The following LEPROTL1 variants were observed in gnomAD, a reference collection of about 807,000 sequenced individuals.
The protein encoded by LEPROTL1 is leptin receptor overlapping transcript-like 1.
Under a neutral mutation model 15.4 loss-of-function variants are expected in LEPROTL1, and 6 were observed. The ratio of observed to expected loss-of-function variants is 0.39; its 90% confidence interval spans 0.21 to 0.77. LEPROTL1 has a LOEUF of 0.77. Among genes scored for constraint, LEPROTL1 ranks in the 30% least tolerant of loss-of-function variants. The probability of loss-of-function intolerance (pLI) is 0.41; values close to 1 mark genes in which losing one functional copy is unlikely to be tolerated. For synonymous variants in LEPROTL1, 56 were observed against 52.6 expected (o/e 1.06, Z -0.28); for missense variants, 128 against 158.1 (o/e 0.81, Z 1.02).
chr8:30,097,713 A>G (rs1449156578), intron 1 of LEPROTL1, among the ~76,000 whole-genome samples: 1 of 149,234 alleles, frequency 6.7e-6, no homozygotes, highest in Non-Finnish European at 1.5e-5. Flanking sequence ...ACACACACAC[A>G]CACACACACA....
chr8:30,107,467 A>T lies in LEPROTL1; in HGVS notation c.*1605A>T. ...ATGACAGCTGTCTGTTGTTTTATGA[A>T]GTTTATTTCTCAAGAAAATGGGAAT... On this transcript the variant is annotated 3_prime_UTR_variant, in exon 4 of 4. Coordinates refer to ENST00000321250, the MANE Select transcript of LEPROTL1 (RefSeq NM_015344.3). The T allele has an allele frequency of 1.0e-6, 1 of 985,852 alleles. No homozygotes were observed. The highest frequency in any genetic ancestry group is 1.2e-6 in the Non-Finnish European group (1 of 829,914). 61.1% of individuals were successfully genotyped at this position (985,852 alleles called of 1,614,324 possible).
At chr8:30,108,763 G>A (rs1350271011), downstream of LEPROTL1, among the ~76,000 whole-genome samples, 2 of 152,022 alleles carry the variant, frequency 1.3e-5, no homozygotes, top group African/African-American at 4.8e-5. Context: ...ACGTAGCTGG[G>A]ATTACAGGCA....
downstream of LEPROTL1, among the ~76,000 whole-genome samples, chr8:30,110,666 A>T (rs1467152203): frequency 6.6e-6 from 1 of 152,012 alleles, no homozygotes; most frequent in East Asian, 1.9e-4. Context: ...CCCAGGAGGC[A>T]GAGGTTGCAG....
At chr8:30,136,844 T>C (rs1803157616) in intron 4 of LEPROTL1, among the ~76,000 whole-genome samples, 1 of 151,930 alleles carries the variant, frequency 6.6e-6, no homozygotes, top group South Asian at 2.1e-4. Flanking sequence ...TCCGCCACTA[T>C]GCCCAGCTAA....
At chr8:30,117,739 A>G in intron 3 of LEPROTL1, 1 of 1,044,160 alleles carries the variant, frequency 9.6e-7, no homozygotes, top group Non-Finnish European at 1.5e-6. Flanking sequence ...GGCATTGTTG[A>G]TGCTCTTGAG....
At chr8:30,129,433 G>A (rs947290310) in intron 3 of LEPROTL1, among the ~76,000 whole-genome samples, 9 of 152,022 alleles carry the variant, frequency 5.9e-5, no homozygotes, top group East Asian at 1.9e-4. Context: ...GGCCGGGAGC[G>A]TTGACTCACA....
Position 30,106,370 on chromosome 8 carries a change from A to G in LEPROTL1, c.*508A>G, listed in dbSNP as rs1186575760. On this transcript the variant is annotated 3_prime_UTR_variant, in exon 4 of 4. Coordinates refer to ENST00000321250, the MANE Select transcript of LEPROTL1 (RefSeq NM_015344.3). The stretch of plus-strand genomic sequence containing the variant: ...TTATGCAGACATACAGACGGTTGGC[A>G]TACGTTATAGACTGTATACTCAGTG... 4 of 986,230 alleles carry G rather than the reference A, an allele frequency of 4.1e-6. No homozygotes were observed. The highest frequency in any genetic ancestry group is 3.5e-5 in the African/African-American group (2 of 57,236). 61.1% of individuals were successfully genotyped at this position (986,230 alleles called of 1,614,324 possible).
chr8:30,110,381 G>A (rs1331865187), downstream of LEPROTL1, among the ~76,000 whole-genome samples: 2 of 151,978 alleles, frequency 1.3e-5, no homozygotes, highest in East Asian at 1.9e-4. Flanking sequence ...GTGTGTGTGC[G>A]TGCGCGCGTG....
At chr8:30,103,050 G>A (rs1013676600) in intron 2 of LEPROTL1, among the ~76,000 whole-genome samples, 1 of 152,028 alleles carries the variant, frequency 6.6e-6, no homozygotes, top group Non-Finnish European at 1.5e-5. Flanking sequence ...TGTTCAAGCA[G>A]CCTTGTTTAT....
intron 3 of LEPROTL1, among the ~76,000 whole-genome samples, chr8:30,119,265 T>TA (rs1378537475): frequency 6.6e-6 from 1 of 152,222 alleles, no homozygotes; most frequent in Non-Finnish European, 1.5e-5. Flanking sequence ...GGGGCAAAGT[T>TA]ACAGATTAAC....
Position 30,107,484 on chromosome 8 carries a change from A to T in LEPROTL1, c.*1622A>T. 2.0e-6 allele frequency: 2 copies of T among 985,868 alleles called. No individual in the cohort carries two copies. The highest frequency in any genetic ancestry group is 2.4e-6 in the Non-Finnish European group (2 of 829,920). The allele number at this position is 985,868 out of a possible 1,614,324, so 61.1% of individuals were successfully genotyped here. A position where few individuals can be genotyped will look rare whatever the true frequency, so the allele number is the denominator to read the frequency against. ...TTTTATGAAGTTTATTTCTCAAGAA[A>T]ATGGGAATAAATTTGGGATTTGTTC... On this transcript the variant is annotated 3_prime_UTR_variant, in exon 4 of 4. Coordinates refer to ENST00000321250, the MANE Select transcript of LEPROTL1 (RefSeq NM_015344.3).
intron 3 of LEPROTL1, chr8:30,132,181 G>C: frequency 6.4e-7 from 1 of 1,551,886 alleles, no homozygotes; most frequent in Non-Finnish European, 8.7e-7. Flanking sequence ...CAGGTAGTCA[G>C]CTTCCACCAT....
At chr8:30,114,273 A>T (rs1165386896) in intron 3 of LEPROTL1, among the ~76,000 whole-genome samples, 4 of 48,758 alleles carry the variant, frequency 8.2e-5, no homozygotes, top group Admixed American at 5.3e-4. Context: ...CTTACATGAT[A>T]TTTTTTTGTT....
At chr8:30,096,977 G>A (rs916366273) in intron 1 of LEPROTL1, among the ~76,000 whole-genome samples, 2 of 152,184 alleles carry the variant, frequency 1.3e-5, no homozygotes, top group African/African-American at 4.8e-5. Flanking sequence ...GTAACTCCCA[G>A]GTTAGAGAAG....
At chr8:30,137,586 TTC>T in exon 5 of LEPROTL1, 5 of 1,056,808 alleles carry the variant, frequency 4.7e-6, no homozygotes, top group Non-Finnish European at 6.9e-6. Context: ...TTTATATTCA[TTC>T]TAATGAAACT....
chr8:30,107,586 C>T lies in LEPROTL1; in HGVS notation c.*1724C>T, dbSNP rs1164598403. The stretch of plus-strand genomic sequence containing the variant: ...GCCATGACTTTTAGATATGAGATGA[C>T]GGGAAGCAGGACGAAATATCGGCGT... On this transcript the variant is annotated 3_prime_UTR_variant, in exon 4 of 4. Transcript: ENST00000321250. 1.7e-5 allele frequency: 17 copies of T among 985,666 alleles called. No homozygotes were observed. The highest frequency in any genetic ancestry group is 6.2e-5 in the Admixed American group (1 of 16,248). The allele number at this position is 985,666 out of a possible 1,614,324, so 61.1% of individuals were successfully genotyped here.
intron 4 of LEPROTL1, chr8:30,132,975 T>A: frequency 1.4e-6 from 2 of 1,426,406 alleles, no homozygotes; most frequent in Non-Finnish European, 1.9e-6. Flanking sequence ...TTCCAGTCTG[T>A]CATACATGAT....
chr8:30,119,747 T>C (rs1244838096), intron 3 of LEPROTL1, among the ~76,000 whole-genome samples: 1 of 152,174 alleles, frequency 6.6e-6, no homozygotes, highest in African/African-American at 2.4e-5. Context: ...TTTTAAAATA[T>C]GGAGAGTTTT....
At chr8:30,131,306 GTA>G (rs146219671) in intron 3 of LEPROTL1, among the ~76,000 whole-genome samples, 6 of 141,416 alleles carry the variant, frequency 4.2e-5, no homozygotes, top group Admixed American at 1.5e-4. Flanking sequence ...ATGTGTGTGT[GTA>G]TATATATATA....
Sources: gnomAD v4.1 joint callset for allele counts (sites outside exome capture counted in the v4.1 genomes callset) on GRCh38, gnomAD v4.1.1 for gene constraint, MANE v1.5 for transcripts, NCBI Gene and HGNC (gene_info 2026-07-23, HGNC 2026-07-21) for gene names.